CELF2: variants seen among roughly 807,000 people sequenced by gnomAD.
CELF2 encodes CUGBP Elav-like family member 2, also known as CUG triplet repeat RNA-binding protein 2.
Under a neutral mutation model 62.6 loss-of-function variants are expected in CELF2, and 8 were observed. That is an observed-to-expected ratio of 0.13 (90% CI 0.07 to 0.23). The LOEUF is 0.23. Ranked by LOEUF, CELF2 falls within the 10% of genes least tolerant of loss-of-function variation. CELF2 has a pLI of 1.00. For synonymous variants in CELF2, 258 were observed against 250.0 expected (o/e 1.03, Z -0.30); for missense variants, 333 against 671.0 (o/e 0.50, Z 5.56).
rs1378005981 is a variant in CELF2, at chr10:11,145,749, A to C, written c.75-19737A>C. Among the ~76,000 whole-genome samples the C allele has an allele frequency of 1.3e-5, 2 of 152,146 alleles. No individual in the cohort carries two copies. Among genetic ancestry groups the C allele is most frequent in the African/African-American group, 4.8e-5 (2 of 41,420 alleles). On this transcript the variant is annotated intron_variant, in intron 1 of 12. Transcript: ENST00000633077. The surrounding 1 kb of genome is among the most constrained non-coding windows in gnomAD (Gnocchi z 4.3). ...TCTGTGGTAGATAAGAAGTTGCTTC[A>C]TTTATTTTTCTTTTTTTAGTGTCAT...
At position 10,828,024 on chromosome 10, in the gene CELF2, A is replaced by AG. The variant is rs1554846125; in HGVS notation, c.53+29208dup. On this transcript the variant is annotated intron_variant, in intron 1 of 13. Coordinates refer to the CELF2 transcript ENST00000636488. ...TTAAAAAAAAAAAAAAAAAAAAAAA[A>AG]GCAGAAAATAACAAGTTTTGGTACA... Among the ~76,000 whole-genome samples, 3 of 147,508 alleles carry AG rather than the reference A, an allele frequency of 2.0e-5. No individual in the cohort carries two copies. The East Asian group carries it at 5.9e-4, about 29-fold the overall frequency.
the CELF2 span, among the ~76,000 whole-genome samples, chr10:10,674,306 G>A: frequency 7.2e-5 from 11 of 152,142 alleles, no homozygotes; most frequent in Non-Finnish European, 1.5e-4. Context: ...TTCCTTTGAA[G>A]TCTGTTCTTT....
rs146258674 is a variant in CELF2 at position 10,951,014 on chromosome 10, C to T, written c.89+31015C>T. 1.4e-4 allele frequency among the ~76,000 whole-genome samples: 21 copies of T among 152,296 alleles called. No homozygotes were observed. The East Asian group carries it at 4.0e-3, about 29-fold the overall frequency. ...GGACTGTGGTAACTCATGAAAATAGCTCCTGTCCCAATTTCAGACCCCTCT... is the reference window on the plus strand; with the variant it reads ...GGACTGTGGTAACTCATGAAAATAGTTCCTGTCCCAATTTCAGACCCCTCT... On this transcript the variant is annotated intron_variant, in intron 2 of 13. Coordinates refer to the CELF2 transcript ENST00000636488.
At chr10:11,088,054 T>G (rs893934536) in intron 1 of CELF2, among the ~76,000 whole-genome samples, 1 of 152,168 alleles carries the variant, frequency 6.6e-6, no homozygotes, top group African/African-American at 2.4e-5. Flanking sequence ...ACACAGGTGT[T>G]AAGGTGTGAT....
intron 1 of CELF2, among the ~76,000 whole-genome samples, chr10:11,090,889 A>G (rs1356259861): frequency 6.6e-6 from 1 of 152,236 alleles, no homozygotes; most frequent in Non-Finnish European, 1.5e-5. Context: ...CAACTTTTTA[A>G]TAAAAATACA....
intron 1 of CELF2, among the ~76,000 whole-genome samples, chr10:11,104,551 G>A (rs765443626): frequency 2.0e-5 from 3 of 152,114 alleles, no homozygotes; most frequent in African/African-American, 4.8e-5. Flanking sequence ...GGTGTGTGGT[G>A]TGTGCCTATA....
At chr10:10,815,666 A>G (rs1026183852) in intron 1 of CELF2, among the ~76,000 whole-genome samples, 1 of 152,220 alleles carries the variant, frequency 6.6e-6, no homozygotes, top group Non-Finnish European at 1.5e-5. Flanking sequence ...GGATAAAGCT[A>G]TATTAAGCTT....
chr10:11,188,090 G>A (rs1158769742), intron 2 of CELF2, among the ~76,000 whole-genome samples: 3 of 152,070 alleles, frequency 2.0e-5, no homozygotes, highest in African/African-American at 2.4e-5. Context: ...CTTTTTTGAA[G>A]TATGTATCTA....
At chr10:10,999,454 C>A (rs911740950) in intron 2 of CELF2, among the ~76,000 whole-genome samples, 8 of 152,078 alleles carry the variant, frequency 5.3e-5, no homozygotes, top group African/African-American at 1.4e-4. Context: ...GAGAGCTATG[C>A]GATGAGCATG....
the CELF2 span, among the ~76,000 whole-genome samples, chr10:10,490,318 C>T: frequency 6.6e-6 from 1 of 152,140 alleles, no homozygotes; most frequent in Non-Finnish European, 1.5e-5. Flanking sequence ...GAGCAGAAAT[C>T]ACTGTTTTCC....
At chr10:10,665,649 GTTTA>G in the CELF2 span, among the ~76,000 whole-genome samples, 1 of 152,050 alleles carries the variant, frequency 6.6e-6, no homozygotes, top group Non-Finnish European at 1.5e-5. Flanking sequence ...AAAATATTCT[GTTTA>G]TTTAATCCTG....
intron 1 of CELF2, among the ~76,000 whole-genome samples, chr10:11,143,672 T>C (rs954538650): frequency 2.6e-5 from 4 of 152,236 alleles, no homozygotes; most frequent in Non-Finnish European, 1.5e-5. Flanking sequence ...CCCTGCAATA[T>C]TTTATGCTTA....
intron 7 of CELF2, among the ~76,000 whole-genome samples, chr10:11,272,876 A>T (rs1204250807): frequency 1.3e-5 from 2 of 152,050 alleles, no homozygotes; most frequent in African/African-American, 4.8e-5. Flanking sequence ...GGTGCTATTA[A>T]CTCCTCTAAA....
chr10:10,897,161 AG>A (rs1472416638), intron 1 of CELF2, among the ~76,000 whole-genome samples: 1 of 152,224 alleles, frequency 6.6e-6, no homozygotes, highest in Non-Finnish European at 1.5e-5. Flanking sequence ...ACCATGGCAG[AG>A]AAAGCATCTA....
rs998820986 is a variant in CELF2, at chr10:11,285,512, G to T, written c.842-2906G>T. On this transcript the variant is annotated intron_variant, in intron 8 of 12. Transcript: ENST00000633077. The surrounding 1 kb of genome is among the most constrained non-coding windows in gnomAD (Gnocchi z 4.3). ...GCCCTTAGCCCTGGATCCTAAAGGA[G>T]CGGGCAGTGGAGAGAACCTGAGTGC... Among the ~76,000 whole-genome samples the T allele has an allele frequency of 6.6e-6, 1 of 152,222 alleles. No individual in the cohort carries two copies. Among genetic ancestry groups the T allele is most frequent in the Non-Finnish European group, 1.5e-5 (1 of 68,030 alleles).
chr10:11,001,001 G>T (rs768742759), upstream of CELF2, among the ~76,000 whole-genome samples: 2 of 152,156 alleles, frequency 1.3e-5, no homozygotes, highest in Non-Finnish European at 2.9e-5. Context: ...GAGGAGCTTT[G>T]TGTCTTCAGT....
intron 1 of CELF2, among the ~76,000 whole-genome samples, chr10:10,818,546 C>CTTTTTTTTTTTT (rs3028992): frequency 1.7e-5 from 2 of 116,540 alleles, no homozygotes; most frequent in African/African-American, 3.4e-5. Context: ...TAAATATTTC[C>CTTTTTTTTTTTT]TTTTTTTTTT....
intron 1 of CELF2, among the ~76,000 whole-genome samples, chr10:10,836,989 C>T (rs1488064947): frequency 6.6e-6 from 1 of 152,184 alleles, no homozygotes; most frequent in African/African-American, 2.4e-5. Flanking sequence ...TTAAATTGAA[C>T]TAATCCTAAG....
At chr10:10,920,140 A>T (rs908218387) in intron 2 of CELF2, 16 of 471,552 alleles carry the variant, frequency 3.4e-5, no homozygotes, top group African/African-American at 3.2e-4. Context: ...CACCATGTAA[A>T]TGCCAAAAAT....
Sources: allele counts gnomAD v4.1 joint callset (sites outside exome capture counted in the v4.1 genomes callset), GRCh38; gene constraint gnomAD v4.1.1; non-coding constraint Gnocchi (gnomAD v3.1); transcripts MANE v1.5; gene names NCBI Gene and HGNC (gene_info 2026-07-23, HGNC 2026-07-21).